Variants in ONECUT1 observed in about 807,000 individuals in gnomAD.
The protein encoded by ONECUT1 is one cut homeobox 1.
In ONECUT1, 12 loss-of-function variants were observed where a neutral mutation model predicts 25.6. That is an observed-to-expected ratio of 0.47 (90% CI 0.30 to 0.76). The LOEUF (loss-of-function observed/expected upper bound fraction) is 0.76. Ranked by LOEUF, ONECUT1 falls within the 30% of genes least tolerant of loss-of-function variation. The probability of loss-of-function intolerance (pLI) is 0.07; values close to 1 mark genes in which losing one functional copy is unlikely to be tolerated. For missense variants in ONECUT1, 620 were observed against 651.2 expected (o/e 0.95, Z 0.52); for synonymous variants, 285 against 270.2 (o/e 1.05, Z -0.54).
Position 52,757,497 on chromosome 15 carries a change from T to C in ONECUT1, c.*58A>G, listed in dbSNP as rs527423409. 6.5e-7 allele frequency: 1 copy of C among 1,536,484 alleles called. No homozygotes were observed. Among genetic ancestry groups the C allele is most frequent in the Admixed American group, 2.2e-5 (1 of 46,056 alleles). On this transcript the variant is annotated 3_prime_UTR_variant, in exon 2 of 2. Transcript: ENST00000305901. Reference sequence around the variant, plus strand: ...CTGCTATCTTGAGGTCCTGGTCTTTTAAAAATTTTTTTTAATTTAAAGCTT... The same window carrying C: ...CTGCTATCTTGAGGTCCTGGTCTTTCAAAAATTTTTTTTAATTTAAAGCTT...
chr15:52,787,720 C>T (rs2083886264), intron 1 of ONECUT1: 3 of 152,390 alleles, frequency 2.0e-5, no homozygotes, highest in Admixed American at 2.0e-4. Context: ...CCCAGGCCAC[C>T]CTCCGCTGTC....
In ONECUT1 at chr15:52,756,291, TG is replaced by T. The variant is rs1225389927; in HGVS notation, c.*1263del. Among the ~76,000 whole-genome samples the T allele has an allele frequency of 6.6e-6, 1 of 152,244 alleles. No homozygotes were observed. ...GAATAGCTCATTTGAATAATAATGT[TG>T]TTTTTTTAAACTTTATTTGTATTTG... On this transcript the variant is annotated 3_prime_UTR_variant, in exon 2 of 2. Coordinates refer to ENST00000305901, the MANE Select transcript of ONECUT1 (RefSeq NM_004498.4).
intron 1 of ONECUT1, among the ~76,000 whole-genome samples, chr15:52,775,430 C>T (rs2083793419): frequency 6.7e-6 from 1 of 149,230 alleles, no homozygotes; most frequent in Admixed American, 6.7e-5. Context: ...ATGGGAGAGG[C>T]CCTTGATTAT....
chr15:52,790,050 TC>T lies in ONECUT1; in HGVS notation c.-167del. 9.0e-7 allele frequency: 1 copy of T among 1,116,476 alleles called. No individual in the cohort carries two copies. The highest frequency in any genetic ancestry group is 1.2e-6 in the Non-Finnish European group (1 of 863,474). The allele number at this position is 1,116,476 out of a possible 1,614,324, so 69.2% of individuals were successfully genotyped here. ...CTCTCTCTCTCTCCGTGTGTGTGTG[TC>T]CGTGTGTGCGTGTGCGTGTGTGTGT... On this transcript the variant is annotated 5_prime_UTR_variant, in exon 1 of 2. Coordinates refer to ENST00000305901, the MANE Select transcript of ONECUT1 (RefSeq NM_004498.4).
At position 52,789,251 on chromosome 15, in the gene ONECUT1, T is replaced by C. The variant is rs763451574; in HGVS notation, c.634A>G (p.Met212Val). The C allele has an allele frequency of 1.3e-6, 2 of 1,547,744 alleles. No homozygotes were observed. Among genetic ancestry groups the C allele is most frequent in the Non-Finnish European group, 1.7e-6 (2 of 1,147,702 alleles). Reference protein sequence around the residue: ...HPGAAMPTDKMLTPNGFEAHH... With the variant: ...HPGAAMPTDKVLTPNGFEAHH... ...GCTTCGAAGCCGTTGGGGGTGAGCA[T>C]CTTGTCGGTGGGCATGGCGGCCCCC... The change falls in exon 1 of 2, where the codon ATG (methionine) becomes GTG (valine). Residue 212 changes from methionine to valine, a missense_variant. By Grantham distance (21) the Met-to-Val change is conservative. Transcript: ENST00000305901. This position sits in a 1 kb window ranked among gnomAD's most constrained non-coding sequence, Gnocchi z 4.1.
At chr15:52,759,732 T>C (rs1480472384) in intron 1 of ONECUT1, among the ~76,000 whole-genome samples, 1 of 151,882 alleles carries the variant, frequency 6.6e-6, no homozygotes, top group Non-Finnish European at 1.5e-5. Context: ...CTGGAGTAGC[T>C]GGCACTACAG....
intron 1 of ONECUT1, among the ~76,000 whole-genome samples, chr15:52,783,098 G>A (rs1228566161): frequency 6.6e-6 from 1 of 152,300 alleles, no homozygotes; most frequent in South Asian, 2.1e-4. Flanking sequence ...AAAACAGCTC[G>A]TGTAACAACC....
chr15:52,775,867 T>C (rs2083796586), intron 1 of ONECUT1, among the ~76,000 whole-genome samples: 1 of 152,206 alleles, frequency 6.6e-6, no homozygotes, highest in Admixed American at 6.5e-5. Flanking sequence ...CTGCCCCACC[T>C]ACATGTCTGT....
chr15:52,760,575 A>G (rs1165878173), intron 1 of ONECUT1, among the ~76,000 whole-genome samples: 1 of 152,294 alleles, frequency 6.6e-6, no homozygotes, highest in East Asian at 1.9e-4. Flanking sequence ...GATGGGCCCT[A>G]AAGGATAAAT....
At chr15:52,761,932 G>C (rs1378582683) in intron 1 of ONECUT1, among the ~76,000 whole-genome samples, 1 of 152,202 alleles carries the variant, frequency 6.6e-6, no homozygotes, top group African/African-American at 2.4e-5. Flanking sequence ...TGGACATTCT[G>C]TTAAAGGTCT....
chr15:52,764,402 C>T (rs1187049883), intron 1 of ONECUT1, among the ~76,000 whole-genome samples: 1 of 152,118 alleles, frequency 6.6e-6, no homozygotes, highest in Non-Finnish European at 1.5e-5. Context: ...ATTCTTAGTA[C>T]CATTTTGTGA....
rs573609035 is a variant in ONECUT1 at position 52,784,886 on chromosome 15, G to A, written c.1105+3894C>T. Among the ~76,000 whole-genome samples the A allele has an allele frequency of 2.1e-3, 323 of 152,334 alleles. 3 individuals are homozygous for A. The highest frequency in any genetic ancestry group is 7.6e-3 in the African/African-American group (317 of 41,578). The stretch of plus-strand genomic sequence containing the variant: ...GGAGGAGGCGCTCCCAGCTGGCGGC[G>A]CCCCTCGCCCCGGGCTCAGAGGCGG... On this transcript the variant is annotated intron_variant, in intron 1 of 1. Coordinates refer to ENST00000305901, the MANE Select transcript of ONECUT1 (RefSeq NM_004498.4). This position sits in a 1 kb window ranked among gnomAD's most constrained non-coding sequence, Gnocchi z 5.0.
chr15:52,789,467 G>A lies in ONECUT1; in HGVS notation c.418C>T (p.Arg140Cys), dbSNP rs1427605619. ...HHHHHPHHHQ[R>C]LAGNVSGSFT... ...CTACCGCTCACGTTGCCCGCCAGGC[G>A]CTGGTGGTGGTGCGGGTGGTGGTGG... is the stretch of plus-strand genomic sequence containing the variant. Residue 140 changes from arginine (R) to cysteine (C), a missense_variant, in exon 1 of 2, where the codon CGC becomes TGC. By Grantham distance (180) the Arg-to-Cys change is radical. Transcript: ENST00000305901. The surrounding 1 kb of genome is among the most constrained non-coding windows in gnomAD (Gnocchi z 4.1). 6.2e-7 allele frequency: 1 copy of A among 1,613,660 alleles called. No homozygotes were observed. Among genetic ancestry groups the A allele is most frequent in the South Asian group, 1.1e-5 (1 of 91,050 alleles).
Position 52,755,188 on chromosome 15 carries a change from G to T in ONECUT1, c.*2367C>A, listed in dbSNP as rs188647260. On this transcript the variant is annotated 3_prime_UTR_variant, in exon 2 of 2. Transcript: ENST00000305901. ...ATTTCCCTGCATTTAGAATTATCAC[G>T]TTTTAAATAAATAAGGCTTTCCTCC... Among the ~76,000 whole-genome samples the T allele has an allele frequency of 6.6e-6, 1 of 151,974 alleles. No homozygotes were observed. Among genetic ancestry groups the T allele is most frequent in the Non-Finnish European group, 1.5e-5 (1 of 67,980 alleles).
At chr15:52,773,086 G>T (rs1156436734) in intron 1 of ONECUT1, among the ~76,000 whole-genome samples, 2 of 152,216 alleles carry the variant, frequency 1.3e-5, no homozygotes, top group Non-Finnish European at 2.9e-5. Context: ...GGCAGGTGGG[G>T]TGGGGAGAGA....
rs182350755 is a variant in ONECUT1 at position 52,765,603 on chromosome 15, G to A, written c.1106-7756C>T. 2.6e-5 allele frequency among the ~76,000 whole-genome samples: 4 copies of A among 152,314 alleles called. No homozygotes were observed. The East Asian group carries it at 7.7e-4, about 29-fold the overall frequency. On this transcript the variant is annotated intron_variant, in intron 1 of 1. Transcript: ENST00000305901. ...TGGGGGTAGGGAGAGACAAATGAAGGGGAAACTATGCAAGCAAACATGGCA... is the reference window on the plus strand; with the variant it reads ...TGGGGGTAGGGAGAGACAAATGAAGAGGAAACTATGCAAGCAAACATGGCA...
In ONECUT1 at chr15:52,784,532, A is replaced by T. The variant is rs1461913701; in HGVS notation, c.1105+4248T>A. On this transcript the variant is annotated intron_variant, in intron 1 of 1. Transcript: ENST00000305901. The surrounding 1 kb of genome is among the most constrained non-coding windows in gnomAD (Gnocchi z 5.0). ...GAAGTAGGTTTCCCCTGCCCCAGCC[A>T]TAGCGGTTCCAGTCGTCGCCACGAG... Among the ~76,000 whole-genome samples the T allele has an allele frequency of 6.6e-6, 1 of 152,086 alleles. No homozygotes were observed. Among genetic ancestry groups the T allele is most frequent in the Non-Finnish European group, 1.5e-5 (1 of 68,004 alleles).
In ONECUT1 at chr15:52,790,081, G is replaced by T; in HGVS notation, c.-197C>A. The T allele has an allele frequency of 5.4e-6, 4 of 735,070 alleles. No homozygotes were observed. The highest frequency in any genetic ancestry group is 7.6e-6 in the Non-Finnish European group (4 of 529,782). 45.5% of individuals were successfully genotyped at this position (735,070 alleles called of 1,614,324 possible). ...TGTGCGTGTGCGTGTGTGTGTGTGT[G>T]TGTGTCTCGCCTTCCCTCTTACCCC... On this transcript the variant is annotated 5_prime_UTR_variant, in exon 1 of 2. Coordinates refer to ENST00000305901, the MANE Select transcript of ONECUT1 (RefSeq NM_004498.4).
At position 52,784,404 on chromosome 15, in the gene ONECUT1, C is replaced by T. The variant is rs1256161968; in HGVS notation, c.1105+4376G>A. Among the ~76,000 whole-genome samples, 1 of 152,176 alleles carries T rather than the reference C, an allele frequency of 6.6e-6. No individual in the cohort carries two copies. The highest frequency in any genetic ancestry group is 1.5e-5 in the Non-Finnish European group (1 of 68,024). ...GTGCTGCACCCATTGACGGGATAGC[C>T]GCATACCTCCGAACAGGTAGTGGAG... On this transcript the variant is annotated intron_variant, in intron 1 of 1. Transcript: ENST00000305901. The surrounding 1 kb of genome is among the most constrained non-coding windows in gnomAD (Gnocchi z 5.0).
Sources: allele counts gnomAD v4.1 joint callset (sites outside exome capture counted in the v4.1 genomes callset), GRCh38; gene constraint gnomAD v4.1.1; non-coding constraint Gnocchi (gnomAD v3.1); transcripts MANE v1.5; gene names NCBI Gene and HGNC (gene_info 2026-07-23, HGNC 2026-07-21).